The following CFAP206 variants were observed in gnomAD, a reference collection of about 807,000 sequenced individuals.
CFAP206 encodes the protein cilia and flagella associated protein 206, also known as cilia- and flagella-associated protein 206.
In CFAP206, 53 loss-of-function variants were observed where a neutral mutation model predicts 65.4. That is an observed-to-expected ratio of 0.81 (90% CI 0.65 to 1.02). The LOEUF (loss-of-function observed/expected upper bound fraction) is 1.02. Among genes scored for constraint, CFAP206 ranks in the 50% least tolerant of loss-of-function variants. The pLI, the probability that CFAP206 is intolerant of heterozygous loss-of-function variation, is 0.00. For synonymous variants in CFAP206, 250 were observed against 254.4 expected (o/e 0.98, Z 0.17); for missense variants, 663 against 753.2 (o/e 0.88, Z 1.40).
chr6:87,429,007 G>A (rs988547770), intron 9 of CFAP206, among the ~76,000 whole-genome samples, 183 bp downstream of exon 9: 2 of 152,102 alleles, frequency 1.3e-5, no homozygotes, highest in Non-Finnish European at 2.9e-5. Context: ...TTGGGGGGCC[G>A]AGGCGGGTGG....
chr6:87,442,786 T>C (rs1768379291), intron 11 of CFAP206, among the ~76,000 whole-genome samples: 1 of 152,170 alleles, frequency 6.6e-6, no homozygotes, highest in Non-Finnish European at 1.5e-5. Context: ...TTATATTATT[T>C]CTAAGATTAA....
At chr6:87,409,444 C>G (rs759578297) in intron 1 of CFAP206, among the ~76,000 whole-genome samples, 6 of 151,442 alleles carry the variant, frequency 4.0e-5, no homozygotes, top group South Asian at 4.2e-4. Flanking sequence ...AACTCCCGAC[C>G]TCAGGTGATC....
chr6:87,428,474 T>G, intron 8 of CFAP206, 152 bp from the exon 9 acceptor site: 3 of 632,302 alleles, frequency 4.7e-6, no homozygotes, highest in Non-Finnish European at 8.3e-6. Flanking sequence ...GAGTTAAATG[T>G]CTATCTAAAG....
chr6:87,435,010 T>C lies in CFAP206; in HGVS notation c.1451T>C (p.Leu484Ser), dbSNP rs749609375. The change falls in exon 11 of 13, where the codon TTG (leucine) becomes TCG (serine). Residue 484 changes from leucine to serine, a missense_variant. Leu to Ser is a moderately radical substitution (Grantham distance 145). Transcript: ENST00000369562. ...AAAAATACAGAGTTAATTCAACTAT[T>C]GGAACTTCATCAACAGTTTGAAACA... ...AKKNTELIQL[L>S]ELHQQFETFI... The C allele has an allele frequency of 2.5e-6, 4 of 1,607,728 alleles. No individual in the cohort carries two copies. In the East Asian group the frequency reaches 8.9e-5, roughly 36 times the overall value.
At chr6:87,453,990 A>G (rs757315074) in intron 11 of CFAP206, among the ~76,000 whole-genome samples, 1 of 152,214 alleles carries the variant, frequency 6.6e-6, no homozygotes, top group African/African-American at 2.4e-5. Context: ...GTTGCCTACA[A>G]GAAATGCACT....
chr6:87,432,825 G>A (rs529882026), intron 10 of CFAP206, among the ~76,000 whole-genome samples: 2 of 152,210 alleles, frequency 1.3e-5, no homozygotes, highest in African/African-American at 2.4e-5. Flanking sequence ...GAATTCTGAC[G>A]ATTTCTGCTT....
At chr6:87,439,087 A>C (rs899687662) in intron 11 of CFAP206, among the ~76,000 whole-genome samples, 2 of 152,166 alleles carry the variant, frequency 1.3e-5, no homozygotes, top group Non-Finnish European at 2.9e-5. Context: ...TAAGTTTCTT[A>C]ATGAATTTGC....
At chr6:87,431,249 A>C in intron 10 of CFAP206, 76 bp downstream of exon 10, 2 of 1,365,924 alleles carry the variant, frequency 1.5e-6, no homozygotes, top group Non-Finnish European at 2.0e-6. Flanking sequence ...TGTCACTTGA[A>C]TATTCACTTT....
chr6:87,427,470 C>T (rs1768063792), intron 8 of CFAP206, among the ~76,000 whole-genome samples: 1 of 152,160 alleles, frequency 6.6e-6, no homozygotes, highest in African/African-American at 2.4e-5. Flanking sequence ...GGATATGAGG[C>T]TGTAATAACT....
rs1033139947 is a variant in CFAP206 at position 87,428,740 on chromosome 6, C to T, written c.1075C>T (p.Leu359=). The T allele has an allele frequency of 5.6e-6, 9 of 1,613,960 alleles. No homozygotes were observed. In the African/African-American group the frequency reaches 1.1e-4, roughly 19 times the overall value. Residue 359 remains leucine (L), a synonymous_variant, in exon 9 of 13, where the codon CTA becomes TTA. Coordinates refer to ENST00000369562, the MANE Select transcript of CFAP206 (RefSeq NM_001031743.3). ...HIQPFLGAHE[L]YFPERVMQCH... The stretch of plus-strand genomic sequence containing the variant: ...TCAGCCATTCTTGGGTGCTCACGAA[C>T]TATACTTTCCTGAGAGAGTGATGCA...
intron 11 of CFAP206, among the ~76,000 whole-genome samples, chr6:87,455,654 A>G (rs1768625538): frequency 6.6e-6 from 1 of 152,182 alleles, no homozygotes; most frequent in African/African-American, 2.4e-5. Flanking sequence ...GAAGACCCAA[A>G]GAAAATCAAA....
intron 7 of CFAP206, among the ~76,000 whole-genome samples, chr6:87,422,285 C>CT (rs1253799891): frequency 6.7e-6 from 1 of 149,916 alleles, no homozygotes; most frequent in African/African-American, 2.5e-5. Context: ...CCCATTTCTA[C>CT]TAAAAGTACA....
intron 11 of CFAP206, among the ~76,000 whole-genome samples, chr6:87,458,140 A>G (rs1768680995): frequency 6.6e-6 from 1 of 152,236 alleles, no homozygotes; most frequent in Admixed American, 6.5e-5. Context: ...CACCCCAGTT[A>G]AAATGGCTTA....
intron 11 of CFAP206, chr6:87,436,841 A>T (rs961933074): frequency 2.6e-5 from 4 of 152,224 alleles, no homozygotes; most frequent in Non-Finnish European, 4.4e-5. Context: ...TCCACTAAAA[A>T]GTTACTCTGA....
chr6:87,461,609 TG>T (rs1768750242), intron 12 of CFAP206, among the ~76,000 whole-genome samples: 1 of 152,190 alleles, frequency 6.6e-6, no homozygotes. Context: ...CCTTAAAGCC[TG>T]TCTTTGAAAC....
At position 87,463,744 on chromosome 6, in the gene CFAP206, T is replaced by G. The variant is rs142257208; in HGVS notation, c.1639-276T>G. 3.2e-3 allele frequency among the ~76,000 whole-genome samples: 484 copies of G among 152,328 alleles called. 1 individual carries two copies. The highest frequency in any genetic ancestry group is 0.011 in the African/African-American group (462 of 41,584). On this transcript the variant is annotated intron_variant, in intron 12 of 12. Coordinates refer to ENST00000369562, the MANE Select transcript of CFAP206 (RefSeq NM_001031743.3). ...TAATGAAGGAATTAGATTATATTAA[T>G]AAATAACTGGTTGAGTTCACTGTAA...
intron 11 of CFAP206, among the ~76,000 whole-genome samples, chr6:87,448,179 C>T (rs1768478450): frequency 6.6e-6 from 1 of 151,996 alleles, no homozygotes; most frequent in Non-Finnish European, 1.5e-5. Flanking sequence ...TTATTCAACT[C>T]CCACTTATGA....
intron 12 of CFAP206, among the ~76,000 whole-genome samples, chr6:87,461,749 T>C (rs1488469442): frequency 1.3e-5 from 2 of 152,172 alleles, no homozygotes; most frequent in African/African-American, 4.8e-5. Context: ...CTTTTTAGTA[T>C]ATTTTATCCA....
intron 3 of CFAP206, among the ~76,000 whole-genome samples, chr6:87,413,262 T>TACAC (rs1291703426): frequency 6.6e-6 from 1 of 152,208 alleles, no homozygotes; most frequent in Non-Finnish European, 1.5e-5. Context: ...AGAAAATGTA[T>TACAC]ACACACATAC....
Sources: allele counts gnomAD v4.1 joint callset (sites outside exome capture counted in the v4.1 genomes callset), GRCh38; gene constraint gnomAD v4.1.1; transcripts MANE v1.5; gene names NCBI Gene and HGNC (gene_info 2026-07-23, HGNC 2026-07-21).